The following PDE4D variants were observed in gnomAD, a reference collection of about 807,000 sequenced individuals.
PDE4D encodes the protein 3',5'-cyclic-AMP phosphodiesterase 4D.
PDE4D carries 24 observed loss-of-function variants against 87.4 expected under a neutral mutation model. That is an observed-to-expected ratio of 0.27 (90% CI 0.20 to 0.39). PDE4D has a LOEUF of 0.39. Among genes scored for constraint, PDE4D ranks in the 10% least tolerant of loss-of-function variants. The pLI, the probability that PDE4D is intolerant of heterozygous loss-of-function variation, is 1.00. For missense variants in PDE4D, 714 were observed against 1,041.0 expected (o/e 0.69, Z 4.32); for synonymous variants, 384 against 383.2 (o/e 1.00, Z -0.02).
At chr5:59,610,437 T>C (rs550910384) in intron 1 of PDE4D, among the ~76,000 whole-genome samples, 1 of 152,362 alleles carries the variant, frequency 6.6e-6, no homozygotes, top group African/African-American at 2.4e-5. Flanking sequence ...TGTGGCATTA[T>C]ATGGTTCCAC....
intron 1 of PDE4D, among the ~76,000 whole-genome samples, chr5:59,792,663 C>A (rs1225019908): frequency 6.6e-6 from 1 of 152,100 alleles, no homozygotes; most frequent in East Asian, 1.9e-4. Flanking sequence ...TTTTCCACTA[C>A]AAAATAAGGC....
At chr5:60,017,892 A>G (rs1012929607) in intron 2 of PDE4D, among the ~76,000 whole-genome samples, 4 of 152,192 alleles carry the variant, frequency 2.6e-5, no homozygotes, top group African/African-American at 9.6e-5. Context: ...ACAATGGTTG[A>G]ACTAATTTAC....
At chr5:59,588,740 ACTT>A (rs1825540900) in intron 1 of PDE4D, among the ~76,000 whole-genome samples, 1 of 152,220 alleles carries the variant, frequency 6.6e-6, no homozygotes, top group Admixed American at 6.5e-5. Flanking sequence ...AGCAATGTGA[ACTT>A]GTAGGTTCAG....
intron 1 of PDE4D, among the ~76,000 whole-genome samples, chr5:60,311,775 T>C (rs936959912): frequency 6.6e-6 from 1 of 152,174 alleles, no homozygotes; most frequent in African/African-American, 2.4e-5. Flanking sequence ...GAGTGGCAAG[T>C]TGAATGAAGA....
At chr5:59,970,064 T>C (rs896439947) in intron 3 of PDE4D, among the ~76,000 whole-genome samples, 3 of 152,164 alleles carry the variant, frequency 2.0e-5, no homozygotes, top group African/African-American at 7.2e-5. Context: ...TTCCTCACGA[T>C]TGTCTTCAAA....
Position 60,097,455 on chromosome 5 carries a change from A to C in PDE4D, c.42+88102T>G, listed in dbSNP as rs1453625067. 1.1e-4 allele frequency among the ~76,000 whole-genome samples: 17 copies of C among 152,060 alleles called. No individual in the cohort carries two copies. In the East Asian group the frequency reaches 3.3e-3, roughly 29 times the overall value. On this transcript the variant is annotated intron_variant, in intron 2 of 16. Coordinates refer to the PDE4D transcript ENST00000502484. ...CAATTTAAGTAAAAAGAAATTGTGAACTGTTTTTCTGAACTTATTCTTAAT... is the reference window on the plus strand; with the variant it reads ...CAATTTAAGTAAAAAGAAATTGTGACCTGTTTTTCTGAACTTATTCTTAAT...
In PDE4D at chr5:60,005,098, T is replaced by C. The variant is rs2136201; in HGVS notation, c.43-16381A>G. Among the ~76,000 whole-genome samples the C allele has an allele frequency of 3.7e-3, 570 of 152,220 alleles. 22 individuals are homozygous for C. The East Asian group carries it at 0.087, about 23-fold the overall frequency. On this transcript the variant is annotated intron_variant, in intron 2 of 16. Coordinates refer to the PDE4D transcript ENST00000502484. ...ATTAATAGAGAAACTGTGGTGTATA[T>C]ACAATGGAATATTATTCAACAGTAA...
intron 1 of PDE4D, among the ~76,000 whole-genome samples, chr5:59,584,047 A>C (rs1824672436): frequency 6.6e-6 from 1 of 152,200 alleles, no homozygotes; most frequent in African/African-American, 2.4e-5. Context: ...TGTGAGAATG[A>C]GGATAGGGGG....
intron 1 of PDE4D, among the ~76,000 whole-genome samples, chr5:60,248,354 G>C: frequency 6.6e-6 from 1 of 152,070 alleles, no homozygotes; most frequent in East Asian, 1.9e-4. Flanking sequence ...AGTGGTGCAA[G>C]ATAAGGACAG....
chr5:60,363,749 A>G (rs1395698448), intron 1 of PDE4D, among the ~76,000 whole-genome samples: 1 of 152,234 alleles, frequency 6.6e-6, no homozygotes, highest in African/African-American at 2.4e-5. Context: ...CTGGAGAAAG[A>G]GCCATATAGA....
intron 1 of PDE4D, among the ~76,000 whole-genome samples, chr5:59,496,889 C>G (rs1336708198): frequency 6.6e-6 from 1 of 152,132 alleles, no homozygotes; most frequent in Non-Finnish European, 1.5e-5. Context: ...TGAAGGCAAA[C>G]GCGCTGAAGG....
At chr5:59,681,716 C>T (rs976232438) in intron 1 of PDE4D, among the ~76,000 whole-genome samples, 5 of 151,730 alleles carry the variant, frequency 3.3e-5, no homozygotes, top group East Asian at 1.9e-4. Flanking sequence ...CTGGCTAACA[C>T]GGTGAAACCC....
intron 2 of PDE4D, among the ~76,000 whole-genome samples, chr5:60,142,505 G>A (rs1418095335): frequency 6.6e-6 from 1 of 152,134 alleles, no homozygotes; most frequent in Admixed American, 6.6e-5. Context: ...GTAGTTCAGG[G>A]CTTTGTGAAG....
intron 1 of PDE4D, among the ~76,000 whole-genome samples, chr5:60,516,443 C>G (rs1750805011): frequency 6.6e-6 from 1 of 152,196 alleles, no homozygotes; most frequent in Non-Finnish European, 1.5e-5. Context: ...TCAAGAACCA[C>G]CTTAGCAATT....
At chr5:60,520,694 C>T (rs996708636) in intron 1 of PDE4D, among the ~76,000 whole-genome samples, 7 of 152,242 alleles carry the variant, frequency 4.6e-5, no homozygotes, top group Non-Finnish European at 8.8e-5. Flanking sequence ...AAAGAAGGCA[C>T]CGCCTAGGTT....
At chr5:59,920,137 C>A (rs1754510129) in intron 3 of PDE4D, among the ~76,000 whole-genome samples, 2 of 152,152 alleles carry the variant, frequency 1.3e-5, no homozygotes, top group Admixed American at 1.3e-4. Context: ...ATTGATGAGG[C>A]TCATGAAGAG....
intron 1 of PDE4D, among the ~76,000 whole-genome samples, chr5:59,565,549 A>C (rs931952734): frequency 1.3e-5 from 2 of 152,092 alleles, no homozygotes; most frequent in African/African-American, 2.4e-5. Context: ...AACCAAAAAA[A>C]CCCAGAAAGT....
At chr5:59,867,694 C>T (rs1174376263) in intron 1 of PDE4D, among the ~76,000 whole-genome samples, 3 of 152,148 alleles carry the variant, frequency 2.0e-5, no homozygotes, top group African/African-American at 7.2e-5. Flanking sequence ...CAGACTCCAA[C>T]AGGAGTCTGG....
At chr5:59,502,380 CTGTT>C (rs1490869233) in intron 1 of PDE4D, among the ~76,000 whole-genome samples, 3 of 152,048 alleles carry the variant, frequency 2.0e-5, no homozygotes, top group Admixed American at 2.0e-4. Flanking sequence ...GAACAGATCT[CTGTT>C]TAATTACCTC....
Sources: gnomAD v4.1 joint callset for allele counts (sites outside exome capture counted in the v4.1 genomes callset) on GRCh38, gnomAD v4.1.1 for gene constraint, MANE v1.5 for transcripts, NCBI Gene and HGNC (gene_info 2026-07-23, HGNC 2026-07-21) for gene names.